The following HIVEP3 variants were observed in gnomAD, a reference collection of about 807,000 sequenced individuals.
HIVEP3 encodes HIVEP zinc finger 3.
HIVEP3 carries 49 observed loss-of-function variants against 152.8 expected under a neutral mutation model. That is an observed-to-expected ratio of 0.32 (90% CI 0.26 to 0.41). The LOEUF (loss-of-function observed/expected upper bound fraction) is 0.41. Among genes scored for constraint, HIVEP3 ranks in the 10% least tolerant of loss-of-function variants. The pLI is 1.00. For synonymous variants in HIVEP3, 1,269 were observed against 1,289.0 expected (o/e 0.98, Z 0.33); for missense variants, 2,790 against 3,103.3 (o/e 0.90, Z 2.40).
intron 2 of HIVEP3, among the ~76,000 whole-genome samples, chr1:41,691,805 T>C (rs975560422): frequency 2.6e-5 from 4 of 152,254 alleles, no homozygotes; most frequent in African/African-American, 9.6e-5. Context: ...TGCAAATTTA[T>C]GTACTTGATC....
intron 1 of HIVEP3, among the ~76,000 whole-genome samples, chr1:41,736,832 G>A (rs1646926225): frequency 6.6e-6 from 1 of 152,196 alleles, no homozygotes; most frequent in Admixed American, 6.5e-5. Flanking sequence ...ATGGTGGCCT[G>A]TCAGAGGGAT....
chr1:41,795,353 G>A (rs1227163643), intron 1 of HIVEP3, among the ~76,000 whole-genome samples: 1 of 152,180 alleles, frequency 6.6e-6, no homozygotes, highest in East Asian at 1.9e-4. Flanking sequence ...GGTTTTTGGA[G>A]GAATGTCACA....
Position 41,677,739 on chromosome 1 carries a change from C to T in HIVEP3, c.-721+23177G>A, listed in dbSNP as rs532933848. 3.9e-5 allele frequency among the ~76,000 whole-genome samples: 6 copies of T among 152,336 alleles called. No homozygotes were observed. The East Asian group carries it at 9.6e-4, about 24-fold the overall frequency. Reference sequence around the variant, plus strand: ...CATTGGCCTGTAACTATCAAATCTCCGATGACGTGAGGTTGGCTGATGCGT... The same window carrying T: ...CATTGGCCTGTAACTATCAAATCTCTGATGACGTGAGGTTGGCTGATGCGT... On this transcript the variant is annotated intron_variant, in intron 2 of 8. Coordinates refer to ENST00000372583, the MANE Select transcript of HIVEP3 (RefSeq NM_024503.5).
intron 1 of HIVEP3, among the ~76,000 whole-genome samples, chr1:41,896,263 T>C (rs989733110): frequency 8.5e-5 from 13 of 152,212 alleles, no homozygotes; most frequent in Non-Finnish European, 1.5e-4. Context: ...TTTTGTTTTT[T>C]AAAAAGCTTC....
intron 1 of HIVEP3, among the ~76,000 whole-genome samples, chr1:42,020,874 C>T (rs371176312): frequency 6.6e-6 from 1 of 152,202 alleles, no homozygotes; most frequent in East Asian, 1.9e-4. Context: ...GGGAATGAGA[C>T]ATCAAAAGAT....
At chr1:41,982,260 CA>C (rs1455304796) in intron 1 of HIVEP3, among the ~76,000 whole-genome samples, 5 of 152,164 alleles carry the variant, frequency 3.3e-5, no homozygotes, top group Non-Finnish European at 4.4e-5. Context: ...AATGGGAATG[CA>C]AAAGGGGATT....
intron 7 of HIVEP3, among the ~76,000 whole-genome samples, chr1:41,516,507 G>T (rs1284560447): frequency 6.6e-6 from 1 of 152,184 alleles, no homozygotes; most frequent in Non-Finnish European, 1.5e-5. Flanking sequence ...CCCCATATGG[G>T]GTCATCTGAG....
In HIVEP3 at chr1:41,521,172, G is replaced by A. The variant is rs148508811; in HGVS notation, c.5384-2684C>T. ...AGTAATACCTACCTCGTGGGGATGC[G>A]GGAGGACTTGATGAGGTGACACAAG... is the stretch of plus-strand genomic sequence containing the variant. On this transcript the variant is annotated intron_variant, in intron 6 of 8. Coordinates refer to ENST00000372583, the MANE Select transcript of HIVEP3 (RefSeq NM_024503.5). Among the ~76,000 whole-genome samples, 175 of 152,288 alleles carry A rather than the reference G, an allele frequency of 1.1e-3. 1 individual carries two copies. Among genetic ancestry groups the A allele is most frequent in the African/African-American group, 4.0e-3 (165 of 41,536 alleles).
chr1:41,602,468 G>A (rs1644761797), intron 3 of HIVEP3, among the ~76,000 whole-genome samples: 1 of 151,988 alleles, frequency 6.6e-6, no homozygotes, highest in Admixed American at 6.6e-5. Context: ...TCATAATTTA[G>A]TCTTGTATTT....
At chr1:41,918,961 C>T (rs956030987), upstream of HIVEP3, among the ~76,000 whole-genome samples, 3 of 152,166 alleles carry the variant, frequency 2.0e-5, no homozygotes, top group African/African-American at 7.2e-5. The surrounding 1 kb of genome is among the most constrained non-coding windows in gnomAD (Gnocchi z 4.3). Flanking sequence ...AGACACAGTA[C>T]ACCAATTATC....
At chr1:41,909,295 G>C (rs1021167257) in intron 1 of HIVEP3, among the ~76,000 whole-genome samples, 1 of 152,086 alleles carries the variant, frequency 6.6e-6, no homozygotes, top group Non-Finnish European at 1.5e-5. Context: ...CTGTACTTCA[G>C]GCTCTATTGG....
At chr1:42,007,988 C>A (rs7546128) in intron 1 of HIVEP3, among the ~76,000 whole-genome samples, 102,995 of 151,712 alleles carry the variant, frequency 0.68, 35,597 homozygotes, top group East Asian at 0.95. Flanking sequence ...CCTTTTAAAA[C>A]CTCCCACGAA....
At chr1:41,953,730 C>T (rs1645123342) in intron 1 of HIVEP3, among the ~76,000 whole-genome samples, 1 of 151,592 alleles carries the variant, frequency 6.6e-6, no homozygotes, top group Non-Finnish European at 1.5e-5. Flanking sequence ...TTAAAAGAAA[C>T]CAAGGAGGAA....
At chr1:41,677,417 C>G (rs1375256512) in intron 2 of HIVEP3, among the ~76,000 whole-genome samples, 2 of 152,236 alleles carry the variant, frequency 1.3e-5, no homozygotes, top group Non-Finnish European at 2.9e-5. Context: ...CTGCCGTGCA[C>G]CAGCGGTGTG....
rs571860771 is a variant in HIVEP3 at position 41,659,140 on chromosome 1, G to C, written c.-720-30193C>G. Among the ~76,000 whole-genome samples the C allele has an allele frequency of 4.6e-5, 7 of 152,280 alleles. No homozygotes were observed. In the East Asian group the frequency reaches 9.6e-4, roughly 21 times the overall value. On this transcript the variant is annotated intron_variant, in intron 2 of 8. Coordinates refer to ENST00000372583, the MANE Select transcript of HIVEP3 (RefSeq NM_024503.5). ...CGAACTGCAAGTATGGCCTCTTCCT[G>C]GTCCCTAGCCCAGCTCCTTTCTGCT...
intron 5 of HIVEP3, among the ~76,000 whole-genome samples, chr1:41,536,625 G>T (rs1643407825): frequency 6.6e-6 from 1 of 152,044 alleles, no homozygotes; most frequent in Non-Finnish European, 1.5e-5. Flanking sequence ...AGGGGCAGTG[G>T]CTATTCCTGT....
At chr1:41,712,401 T>G (rs1646526919) in intron 1 of HIVEP3, among the ~76,000 whole-genome samples, 1 of 152,206 alleles carries the variant, frequency 6.6e-6, no homozygotes, top group African/African-American at 2.4e-5. Context: ...TCTGTGGGGT[T>G]TCCAGTCTCC....
intron 1 of HIVEP3, among the ~76,000 whole-genome samples, chr1:41,850,954 G>A (rs1643580355): frequency 6.6e-6 from 1 of 152,080 alleles, no homozygotes; most frequent in African/African-American, 2.4e-5. Flanking sequence ...CTCATGTCAG[G>A]CTCCTTCTGT....
chr1:41,804,907 A>T (rs981345420), intron 1 of HIVEP3, among the ~76,000 whole-genome samples: 4 of 152,212 alleles, frequency 2.6e-5, no homozygotes, highest in East Asian at 1.9e-4. Flanking sequence ...CAGGAAAAAA[A>T]ATATATACTC....
Sources: allele counts gnomAD v4.1 joint callset (sites outside exome capture counted in the v4.1 genomes callset), GRCh38; gene constraint gnomAD v4.1.1; non-coding constraint Gnocchi (gnomAD v3.1); transcripts MANE v1.5; gene names NCBI Gene and HGNC (gene_info 2026-07-23, HGNC 2026-07-21).